Variants in DSE observed in about 807,000 individuals in gnomAD.
DSE encodes dermatan sulfate epimerase.
DSE carries 36 observed loss-of-function variants against 84.4 expected under a neutral mutation model. The ratio of observed to expected loss-of-function variants is 0.43; its 90% CI spans 0.33 to 0.56. The LOEUF (loss-of-function observed/expected upper bound fraction) is 0.56. Among genes scored for constraint, DSE ranks in the 20% least tolerant of loss-of-function variants. The pLI, the probability that DSE is intolerant of heterozygous loss-of-function variation, is 0.06. For missense variants in DSE, 862 were observed against 1,169.6 expected (o/e 0.74, Z 3.84); for synonymous variants, 410 against 430.1 (o/e 0.95, Z 0.58).
chr6:116,283,681 C>G (rs1308757820), intron 2 of DSE, among the ~76,000 whole-genome samples: 1 of 151,924 alleles, frequency 6.6e-6, no homozygotes, highest in African/African-American at 2.4e-5. Flanking sequence ...GTAGCTGGGA[C>G]TACAGACACT....
chr6:116,296,344 G>A (rs185468291), intron 2 of DSE, among the ~76,000 whole-genome samples: 80 of 152,176 alleles, frequency 5.3e-4, no homozygotes, highest in African/African-American at 1.8e-3. Context: ...TTCATGGTTG[G>A]TTAAATCTGT....
intron 1 of DSE, among the ~76,000 whole-genome samples, chr6:116,374,425 G>T (rs1035407622): frequency 1.3e-5 from 2 of 152,028 alleles, no homozygotes; most frequent in African/African-American, 2.4e-5. Context: ...TTGCTGAGGG[G>T]GCTGGATCTT....
chr6:116,349,709 CCTT>C (rs1359463151), intron 2 of DSE, among the ~76,000 whole-genome samples: 1 of 152,124 alleles, frequency 6.6e-6, no homozygotes, highest in African/African-American at 2.4e-5. Context: ...GGCCTGGCCT[CCTT>C]CTATAAAACC....
intron 1 of DSE, among the ~76,000 whole-genome samples, chr6:116,373,917 A>C (rs1779763646): frequency 1.3e-5 from 2 of 152,258 alleles, no homozygotes; most frequent in South Asian, 4.1e-4. Flanking sequence ...ATTTTCACTC[A>C]ATAGTATTAT....
intron 1 of DSE, among the ~76,000 whole-genome samples, chr6:116,395,818 A>T (rs983602908): frequency 1.3e-5 from 2 of 152,202 alleles, no homozygotes; most frequent in Admixed American, 1.3e-4. Flanking sequence ...CAAAGAGAAA[A>T]CTCAATGACT....
At position 116,410,733 on chromosome 6, in the gene DSE, C is replaced by CAAAAAAAAAAAA. The variant is rs765969508; in HGVS notation, c.416+11089_416+11100dup. Among the ~76,000 whole-genome samples the CAAAAAAAAAAAA allele has an allele frequency of 5.5e-4, 44 of 79,604 alleles. 1 individual carries two copies. The highest frequency in any genetic ancestry group is 9.9e-4 in the South Asian group (2 of 2,022). 52.2% of individuals were successfully genotyped at this position (79,604 alleles called of 152,430 possible). A position where few individuals can be genotyped will look rare whatever the true frequency, so the allele number is the denominator to read the frequency against. ...TGGGCGACAGAGCGAGACTCTGTCT[C>CAAAAAAAAAAAA]AAAAAAAAAAAAAAAAAAAAAAAAA... On this transcript the variant is annotated intron_variant, in intron 2 of 5. Coordinates refer to ENST00000644252, the MANE Select transcript of DSE (RefSeq NM_013352.4).
Position 116,436,361 on chromosome 6 carries a change from C to T in DSE, c.1893C>T (p.Ala631=), listed in dbSNP as rs1784152300. The T allele has an allele frequency of 6.2e-7, 1 of 1,614,058 alleles. No individual in the cohort carries two copies. Among genetic ancestry groups the T allele is most frequent in the African/African-American group, 1.3e-5 (1 of 74,912 alleles). ...GCTACAGCGAGAAAGCAACCTTTGCCTCAGTGACATATCCTCGGGGCTATC... is the reference window on the plus strand; with the variant it reads ...GCTACAGCGAGAAAGCAACCTTTGCTTCAGTGACATATCCTCGGGGCTATC... ...DTGYSEKATF[A]SVTYPRGYPY... Residue 631 remains alanine, a synonymous_variant, in exon 6 of 6, where the codon GCC becomes GCT. Transcript: ENST00000644252.
At chr6:116,283,441 A>G (rs1008484974) in intron 2 of DSE, among the ~76,000 whole-genome samples, 23 of 152,318 alleles carry the variant, frequency 1.5e-4, no homozygotes, top group African/African-American at 5.3e-4. Context: ...CCAGCATTCC[A>G]GCATCATCTC....
chr6:116,274,766 A>G (rs944817583), intron 2 of DSE, among the ~76,000 whole-genome samples: 17 of 152,214 alleles, frequency 1.1e-4, no homozygotes, highest in African/African-American at 3.9e-4. Flanking sequence ...AGAACAGTTC[A>G]TTAAAGAAAT....
chr6:116,325,465 G>T (rs1020372944), intron 2 of DSE, among the ~76,000 whole-genome samples: 1 of 152,108 alleles, frequency 6.6e-6, no homozygotes, highest in African/African-American at 2.4e-5. Flanking sequence ...TGTACAAAAT[G>T]ATTTGTTTTT....
At chr6:116,414,066 C>G (rs1206594332) in intron 2 of DSE, among the ~76,000 whole-genome samples, 2 of 152,096 alleles carry the variant, frequency 1.3e-5, no homozygotes, top group Non-Finnish European at 2.9e-5. Context: ...CAGCAATGGC[C>G]GGTCAGGTTT....
In DSE at chr6:116,315,080, C is replaced by G. The variant is rs149392129; in HGVS notation, c.-54+56113C>G. 5.1e-3 allele frequency among the ~76,000 whole-genome samples: 782 copies of G among 152,236 alleles called. 2 individuals are homozygous for G. Among genetic ancestry groups the G allele is most frequent in the Non-Finnish European group, 9.0e-3 (612 of 68,010 alleles). On this transcript the variant is annotated intron_variant, in intron 2 of 3. Coordinates refer to the DSE transcript ENST00000430252. ...AATGGGGGAAGTCCTGGGCCTGATTCACCTCCTAACTCTTAGGGTTGCTTG... is the reference window on the plus strand; with the variant it reads ...AATGGGGGAAGTCCTGGGCCTGATTGACCTCCTAACTCTTAGGGTTGCTTG...
chr6:116,346,464 CA>C (rs1777975276), intron 2 of DSE, among the ~76,000 whole-genome samples: 2 of 152,194 alleles, frequency 1.3e-5, no homozygotes, highest in Non-Finnish European at 2.9e-5. Context: ...GCTGGTTCAA[CA>C]TACACAAATC....
chr6:116,424,956 A>G (rs1218170431), intron 2 of DSE, among the ~76,000 whole-genome samples: 1 of 152,196 alleles, frequency 6.6e-6, no homozygotes, highest in Non-Finnish European at 1.5e-5. Flanking sequence ...CTTTAACTGA[A>G]ATCCAACATT....
chr6:116,382,337 C>A (rs375856170), intron 1 of DSE, among the ~76,000 whole-genome samples: 5 of 152,130 alleles, frequency 3.3e-5, no homozygotes, highest in African/African-American at 9.7e-5. Context: ...GAGGAGGAAT[C>A]TGTAGGTTTA....
chr6:116,365,722 G>C (rs1218770728), upstream of DSE, among the ~76,000 whole-genome samples: 1 of 152,212 alleles, frequency 6.6e-6, no homozygotes, highest in Admixed American at 6.5e-5. Context: ...GAATTTCTAA[G>C]AGTACAACTA....
At chr6:116,392,942 T>C (rs1422253230) in intron 1 of DSE, among the ~76,000 whole-genome samples, 1 of 152,116 alleles carries the variant, frequency 6.6e-6, no homozygotes, top group African/African-American at 2.4e-5. Context: ...CTGATGGCAG[T>C]GATGGAGCCA....
At chr6:116,361,975 T>C (rs1583090774) in intron 2 of DSE, among the ~76,000 whole-genome samples, 1 of 152,224 alleles carries the variant, frequency 6.6e-6, no homozygotes. Context: ...TTGTATTATA[T>C]ACATATTTTG....
intron 1 of DSE, among the ~76,000 whole-genome samples, chr6:116,381,510 G>A (rs907991327): frequency 4.6e-5 from 7 of 152,124 alleles, no homozygotes; most frequent in African/African-American, 1.7e-4. Flanking sequence ...CAGACTGCCT[G>A]CATTTATGTC....
Sources: gnomAD v4.1 joint callset for allele counts (sites outside exome capture counted in the v4.1 genomes callset) on GRCh38, gnomAD v4.1.1 for gene constraint, MANE v1.5 for transcripts, NCBI Gene and HGNC (gene_info 2026-07-23, HGNC 2026-07-21) for gene names.